The following JAK1 variants were observed in gnomAD, a reference collection of about 807,000 sequenced individuals.
JAK1 encodes tyrosine-protein kinase JAK1.
Under a neutral mutation model 136.6 loss-of-function variants are expected in JAK1, and 16 were observed. That is an observed-to-expected ratio of 0.12 (90% CI 0.08 to 0.18). The LOEUF (loss-of-function observed/expected upper bound fraction) is 0.18. Among genes scored for constraint, JAK1 ranks in the 10% least tolerant of loss-of-function variants. The pLI is 1.00. For missense variants in JAK1, 859 were observed against 1,450.1 expected, an observed-to-expected ratio of 0.59 and a Z score of 6.62; for synonymous variants, 492 against 519.5, an observed-to-expected ratio of 0.95 and a Z score of 0.72.
At chr1:64,988,271 C>A (rs2100715023) in intron 2 of JAK1, among the ~76,000 whole-genome samples, 1 of 152,272 alleles carries the variant, frequency 6.6e-6, no homozygotes, top group South Asian at 2.1e-4. Flanking sequence ...CTAATTAGCC[C>A]TTCCCATATT....
intron 1 of JAK1, among the ~76,000 whole-genome samples, chr1:64,902,575 A>AGT (rs1271111341): frequency 2.8e-4 from 19 of 66,708 alleles, no homozygotes; most frequent in East Asian, 2.6e-3. Flanking sequence ...AGAGAGAGAG[A>AGT]GAGAGAGAGT....
intron 5 of JAK1, 58 bp downstream of exon 5, chr1:64,873,312 T>C (rs1030494084): frequency 6.2e-7 from 1 of 1,602,724 alleles, no homozygotes; most frequent in Non-Finnish European, 8.5e-7. Context: ...GGGTCTGAGC[T>C]CTACAATGCC....
intron 2 of JAK1, among the ~76,000 whole-genome samples, chr1:64,997,425 C>T (rs977788182): frequency 5.3e-5 from 8 of 151,944 alleles, no homozygotes; most frequent in African/African-American, 1.9e-4. Context: ...GATAAAGTGG[C>T]TAACAAAATA....
At chr1:64,846,982 G>A (rs1055260220) in intron 13 of JAK1, 3 of 529,814 alleles carry the variant, frequency 5.7e-6, no homozygotes, top group Non-Finnish European at 6.8e-6. Flanking sequence ...AGGGCTGGTG[G>A]GAGAAGCTGG....
rs543844932 is a variant in JAK1 at position 65,059,780 on chromosome 1, T to C, written c.-181+7824A>G. On this transcript the variant is annotated intron_variant, in intron 1 of 25. Coordinates refer to the JAK1 transcript ENST00000671954. ...CAATATGAGTGGAACTTGACAGATA[T>C]TTGAAAAATAATTATGTTTTCATTA... Among the ~76,000 whole-genome samples the C allele has an allele frequency of 4.5e-3, 678 of 152,288 alleles. 5 individuals are homozygous for C. Among genetic ancestry groups the C allele is most frequent in the African/African-American group, 0.016 (655 of 41,566 alleles).
intron 2 of JAK1, among the ~76,000 whole-genome samples, chr1:65,013,079 G>A (rs1646863237): frequency 8.0e-6 from 1 of 124,408 alleles, no homozygotes; most frequent in African/African-American, 3.1e-5. Context: ...CTGGGTGACA[G>A]AGCAACACTC....
At chr1:64,987,669 G>A (rs1463825854) in intron 2 of JAK1, 1 of 152,226 alleles carries the variant, frequency 6.6e-6, no homozygotes, top group Non-Finnish European at 1.5e-5. Flanking sequence ...AAGTCTTCCT[G>A]CAGCCTGAAA....
chr1:65,001,486 C>A (rs1646755951), intron 2 of JAK1, among the ~76,000 whole-genome samples: 1 of 152,162 alleles, frequency 6.6e-6, no homozygotes, highest in Non-Finnish European at 1.5e-5. Context: ...CGGAGGAAGT[C>A]ACGTTCAGGC....
In JAK1 at chr1:64,833,823, A is replaced by AAGGT. The variant is rs1654296156; in HGVS notation, c.*735_*738dup. The AAGGT allele has an allele frequency of 8.6e-6, 2 of 232,786 alleles. No individual in the cohort carries two copies. Among genetic ancestry groups the AAGGT allele is most frequent in the Admixed American group, 1.1e-4 (2 of 17,762 alleles). 14.4% of individuals were successfully genotyped at this position (232,786 alleles called of 1,614,324 possible). On this transcript the variant is annotated 3_prime_UTR_variant, in exon 25 of 25. Coordinates refer to ENST00000342505, the MANE Select transcript of JAK1 (RefSeq NM_002227.4). ...AGGTTCTGGGAATGAGTTCTGATTA[A>AAGGT]AGGTATACTGCTTAGGAAAGCACTG...
At chr1:65,031,961 C>CTTT (rs68164546) in intron 2 of JAK1, among the ~76,000 whole-genome samples, 1 of 135,328 alleles carries the variant, frequency 7.4e-6, no homozygotes. Flanking sequence ...TTTTCTTTTT[C>CTTT]TTTTTTTTTT....
chr1:64,988,047 G>T (rs1299289430), intron 2 of JAK1, among the ~76,000 whole-genome samples: 3 of 152,164 alleles, frequency 2.0e-5, no homozygotes, highest in African/African-American at 7.2e-5. Flanking sequence ...ATATGCTAGA[G>T]TTGGCCTTCC....
Position 64,834,307 on chromosome 1 carries a change from G to A in JAK1, c.*255C>T, listed in dbSNP as rs2100922938. The A allele has an allele frequency of 3.0e-6, 1 of 330,802 alleles. No homozygotes were observed. Among genetic ancestry groups the A allele is most frequent in the East Asian group, 4.3e-5 (1 of 23,230 alleles). The allele number at this position is 330,802 out of a possible 1,614,324, so 20.5% of individuals were successfully genotyped here. ...GTATATTCTTTCCACAAGGAGGAGTGCTTAAGTGCTTTCAAATATTTTGGT... is the reference window on the plus strand; with the variant it reads ...GTATATTCTTTCCACAAGGAGGAGTACTTAAGTGCTTTCAAATATTTTGGT... On this transcript the variant is annotated 3_prime_UTR_variant, in exon 25 of 25. Coordinates refer to ENST00000342505, the MANE Select transcript of JAK1 (RefSeq NM_002227.4).
intron 1 of JAK1, among the ~76,000 whole-genome samples, chr1:64,907,699 AC>A (rs545959962): frequency 5.9e-5 from 9 of 152,304 alleles, no homozygotes; most frequent in African/African-American, 2.2e-4. Context: ...GTTAAAAAAA[AC>A]AAGATGTGTT....
At chr1:64,983,038 G>C (rs917364420) in intron 2 of JAK1, among the ~76,000 whole-genome samples, 3 of 152,212 alleles carry the variant, frequency 2.0e-5, no homozygotes, top group South Asian at 4.1e-4. Flanking sequence ...TGAGAACTGA[G>C]AACCAAAATA....
chr1:64,884,905 G>A (rs556941146), intron 2 of JAK1, among the ~76,000 whole-genome samples: 12 of 152,212 alleles, frequency 7.9e-5, no homozygotes, highest in Admixed American at 2.0e-4. Flanking sequence ...CTCTATATCC[G>A]TAAGAAGCAC....
chr1:65,045,723 C>G (rs779316890), intron 1 of JAK1, among the ~76,000 whole-genome samples: 1 of 152,194 alleles, frequency 6.6e-6, no homozygotes, highest in African/African-American at 2.4e-5. Flanking sequence ...TCTTTCCCCT[C>G]TTCACATGAT....
At chr1:64,907,420 C>T (rs1645208092) in intron 1 of JAK1, among the ~76,000 whole-genome samples, 1 of 152,110 alleles carries the variant, frequency 6.6e-6, no homozygotes, top group South Asian at 2.1e-4. Flanking sequence ...GTGCTGGACC[C>T]GTTAAAGGCT....
intron 1 of JAK1, among the ~76,000 whole-genome samples, chr1:64,891,080 A>G (rs310248): frequency 0.035 from 5,350 of 152,256 alleles, 336 homozygotes; most frequent in African/African-American, 0.12. Context: ...GTAAGCACTC[A>G]TATTTTGACC....
At chr1:64,919,935 A>T (rs1225708323) in intron 1 of JAK1, among the ~76,000 whole-genome samples, 4 of 152,014 alleles carry the variant, frequency 2.6e-5, no homozygotes, top group African/African-American at 9.7e-5. Context: ...GTGCCTTCTC[A>T]CCTCCAGCAC....
Sources: gnomAD v4.1 joint callset for allele counts (sites outside exome capture counted in the v4.1 genomes callset) on GRCh38, gnomAD v4.1.1 for gene constraint, MANE v1.5 for transcripts, NCBI Gene and HGNC (gene_info 2026-07-23, HGNC 2026-07-21) for gene names.